The following DNTTIP1 variants were observed in gnomAD, a reference collection of about 807,000 sequenced individuals.
The protein encoded by DNTTIP1 is deoxynucleotidyltransferase terminal-interacting protein 1.
Under a neutral mutation model 52.9 loss-of-function variants are expected in DNTTIP1, and 22 were observed. That is an observed-to-expected ratio of 0.42 (90% CI 0.30 to 0.59). DNTTIP1 has a LOEUF of 0.59. Among genes scored for constraint, DNTTIP1 ranks in the 20% least tolerant of loss-of-function variants. The probability of loss-of-function intolerance (pLI) is 0.22; values close to 1 mark genes in which losing one functional copy is unlikely to be tolerated. For synonymous variants in DNTTIP1, 136 were observed against 155.1 expected (o/e 0.88, Z 0.92); for missense variants, 286 against 435.5 (o/e 0.66, Z 3.06).
intron 4 of DNTTIP1, among the ~76,000 whole-genome samples, chr20:45,799,712 T>C (rs1201157446): frequency 6.6e-6 from 1 of 152,120 alleles, no homozygotes; most frequent in Non-Finnish European, 1.5e-5. Flanking sequence ...GTTTCTGTGC[T>C]TATTATCCAG....
chr20:45,792,048 G>T lies in DNTTIP1; in HGVS notation c.44G>T (p.Gly15Val). 1.6e-6 allele frequency: 2 copies of T among 1,281,818 alleles called. No individual in the cohort carries two copies. Among genetic ancestry groups the T allele is most frequent in the African/African-American group, 1.5e-5 (1 of 66,254 alleles). 79.4% of individuals were successfully genotyped at this position (1,281,818 alleles called of 1,614,324 possible). The change falls in exon 1 of 13, where the codon GGG becomes GTG. Residue 15 changes from glycine to valine, a missense_variant. Gly to Val is a moderately radical substitution (Grantham distance 109, BLOSUM62 -3). Around this residue, in one of 2 missense-constraint regions of DNTTIP1, gnomAD observed 208 missense variants for 266.5 expected, o/e 0.78. Coordinates refer to ENST00000372622, the MANE Select transcript of DNTTIP1 (RefSeq NM_052951.3). ...GCCGAGCAGCCGCGGGGACCTAGCGGGGCCGAGAGGGGCGGCTTGGAGCTG... is the reference window on the plus strand; with the variant it reads ...GCCGAGCAGCCGCGGGGACCTAGCGTGGCCGAGAGGGGCGGCTTGGAGCTG... ...GDAEQPRGPS[G>V]AERGGLELGD...
intron 3 of DNTTIP1, 86 bp downstream of exon 3, chr20:45,794,103 C>T: frequency 2.7e-6 from 2 of 752,054 alleles, no homozygotes; most frequent in African/African-American, 1.8e-5. Flanking sequence ...TGTCTCTTTC[C>T]TACATACAGA....
chr20:45,795,270 A>C, intron 3 of DNTTIP1, 75 bp from the exon 4 acceptor site: 1 of 817,564 alleles, frequency 1.2e-6, no homozygotes, highest in South Asian at 1.7e-5. Context: ...ATAAAGACTT[A>C]TTTTATATTC....
At chr20:45,801,533 A>C (rs1240090230) in intron 6 of DNTTIP1, 75 bp downstream of exon 6, 2 of 1,518,044 alleles carry the variant, frequency 1.3e-6, no homozygotes, top group Non-Finnish European at 9.1e-7. Flanking sequence ...CACACCTGTA[A>C]TCCCAACACT....
At chr20:45,810,800 A>T in intron 11 of DNTTIP1, 85 bp from the exon 12 acceptor site, 1 of 1,275,800 alleles carries the variant, frequency 7.8e-7, no homozygotes, top group Non-Finnish European at 1.1e-6. Flanking sequence ...AGCAGGCCTT[A>T]CATTAAACAG....
intron 9 of DNTTIP1, 48 bp from the exon 10 acceptor site, chr20:45,805,258 T>C (rs1456416380): frequency 7.4e-6 from 12 of 1,613,986 alleles, no homozygotes; most frequent in Non-Finnish European, 1.0e-5. Flanking sequence ...AGTTCACTAG[T>C]AGGACTACAC....
In DNTTIP1 at chr20:45,806,927, T is replaced by C. The variant is rs540982469; in HGVS notation, c.723+1561T>C. 7.9e-5 allele frequency among the ~76,000 whole-genome samples: 12 copies of C among 152,308 alleles called. No individual in the cohort carries two copies. In the East Asian group the frequency reaches 2.3e-3, roughly 29 times the overall value. On this transcript the variant is annotated intron_variant, in intron 10 of 12. Coordinates refer to ENST00000372622, the MANE Select transcript of DNTTIP1 (RefSeq NM_052951.3). ...AAATCAATATGCTTTTGGACCTACT[T>C]TGAATTCCCACTTCAGCGTGGTTTA...
At chr20:45,804,584 C>T (rs779112951) in intron 8 of DNTTIP1, among the ~76,000 whole-genome samples, 5 of 152,200 alleles carry the variant, frequency 3.3e-5, no homozygotes, top group African/African-American at 4.8e-5. Context: ...TGAACATAAC[C>T]TCCTAAGACC....
intron 7 of DNTTIP1, 192 bp from the exon 8 acceptor site, chr20:45,803,141 G>A: frequency 1.7e-6 from 1 of 577,286 alleles, no homozygotes; most frequent in South Asian, 2.2e-5. Flanking sequence ...TGTAAGAGCA[G>A]AGCTAGTGCT....
rs577364629 is a variant in DNTTIP1, at chr20:45,793,871, A to C, written c.177-50A>C. On this transcript the variant is annotated intron_variant, in intron 2 of 12. Coordinates refer to ENST00000372622, the MANE Select transcript of DNTTIP1 (RefSeq NM_052951.3). ...CATAATTAACTGGGGAGGCTGGGAA[A>C]GAATATGTTTGGGACATGCCCCCTC... 35 of 1,208,518 alleles carry C rather than the reference A, an allele frequency of 2.9e-5. No homozygotes were observed. The East Asian group carries it at 8.6e-4, about 30-fold the overall frequency. 74.9% of individuals were successfully genotyped at this position (1,208,518 alleles called of 1,614,324 possible). A position where few individuals can be genotyped will look rare whatever the true frequency, so the allele number is the denominator to read the frequency against.
chr20:45,793,872 G>T (rs1168170082), intron 2 of DNTTIP1, 49 bp from the exon 3 acceptor site: 1 of 1,222,798 alleles, frequency 8.2e-7, no homozygotes. Flanking sequence ...GGCTGGGAAA[G>T]AATATGTTTG....
chr20:45,797,039 T>C (rs1981262955), intron 4 of DNTTIP1, among the ~76,000 whole-genome samples: 1 of 152,236 alleles, frequency 6.6e-6, no homozygotes, highest in Non-Finnish European at 1.5e-5. Context: ...CATCTAGTCC[T>C]GTGGCTTGGA....
chr20:45,793,286 G>C (rs1489418407), intron 2 of DNTTIP1, among the ~76,000 whole-genome samples: 2 of 152,066 alleles, frequency 1.3e-5, no homozygotes, highest in Non-Finnish European at 2.9e-5. Context: ...CTTTGGGCCG[G>C]GCGCGGTGGC....
At chr20:45,803,883 C>T (rs1201019008) in intron 8 of DNTTIP1, among the ~76,000 whole-genome samples, 1 of 152,186 alleles carries the variant, frequency 6.6e-6, no homozygotes, top group Non-Finnish European at 1.5e-5. Context: ...AACCCAAGAC[C>T]CGCTGACACC....
intron 10 of DNTTIP1, among the ~76,000 whole-genome samples, chr20:45,805,673 A>C (rs767435589): frequency 1.3e-5 from 2 of 152,244 alleles, no homozygotes; most frequent in Non-Finnish European, 2.9e-5. Context: ...GAGGTTGAGA[A>C]AGGCTGAGTG....
At chr20:45,803,832 C>T (rs1981551898) in intron 8 of DNTTIP1, among the ~76,000 whole-genome samples, 1 of 152,176 alleles carries the variant, frequency 6.6e-6, no homozygotes, top group Non-Finnish European at 1.5e-5. Flanking sequence ...TTAAGACTTG[C>T]CCAAAGTCAC....
At chr20:45,805,504 C>T (rs1981606276) in intron 10 of DNTTIP1, 138 bp downstream of exon 10, 3 of 929,690 alleles carry the variant, frequency 3.2e-6, no homozygotes, top group Non-Finnish European at 3.2e-6. Flanking sequence ...TGCCATTCAC[C>T]TTTCCCTTTC....
intron 10 of DNTTIP1, among the ~76,000 whole-genome samples, chr20:45,806,355 C>CAAA (rs3080098): frequency 3.0e-5 from 4 of 131,752 alleles, no homozygotes; most frequent in Non-Finnish European, 6.4e-5. Flanking sequence ...AACTCCATCT[C>CAAA]AAAAAAAAAA....
At chr20:45,798,248 C>A (rs968554769) in intron 4 of DNTTIP1, among the ~76,000 whole-genome samples, 5 of 150,816 alleles carry the variant, frequency 3.3e-5, no homozygotes, top group African/African-American at 1.2e-4. Flanking sequence ...AACCAAACAC[C>A]GCATGTTCTC....
Sources: gnomAD v4.1 joint callset for allele counts (sites outside exome capture counted in the v4.1 genomes callset) on GRCh38, gnomAD v4.1.1 for gene constraint, gnomAD v4.1.1 regional missense constraint, MANE v1.5 for transcripts, NCBI Gene and HGNC (gene_info 2026-07-23, HGNC 2026-07-21) for gene names.